The following SIGLEC10 variants were observed in gnomAD, a reference collection of about 807,000 sequenced individuals.
SIGLEC10 encodes sialic acid-binding Ig-like lectin 10.
A neutral mutation model predicts 68.3 loss-of-function variants in SIGLEC10; 45 were observed. The ratio of observed to expected loss-of-function variants is 0.66; its 90% CI spans 0.52 to 0.84. The LOEUF (loss-of-function observed/expected upper bound fraction) is 0.84. Among genes scored for constraint, SIGLEC10 ranks in the 40% least tolerant of loss-of-function variants. The pLI is 0.00. For missense variants in SIGLEC10, 789 were observed against 883.1 expected, an observed-to-expected ratio of 0.89 and a Z score of 1.35; for synonymous variants, 379 against 370.8, an observed-to-expected ratio of 1.02 and a Z score of -0.26.
Position 51,416,130 on chromosome 19 carries a change from C to T in SIGLEC10, c.792G>A (p.Leu264=). ...EPQPQGNVPY[L]EAQKGQFLRL... Reference sequence around the variant, plus strand: ...GCAGGAACTGGCCTTTTTGGGCTTCCAGGTATGGGACATTTCCCTGGGGCT... The same window carrying T: ...GCAGGAACTGGCCTTTTTGGGCTTCTAGGTATGGGACATTTCCCTGGGGCT... Residue 264 remains leucine, a synonymous_variant, in exon 5 of 11, where the codon CTG becomes CTA. Transcript: ENST00000339313. 1 of 1,607,830 alleles carries T rather than the reference C, an allele frequency of 6.2e-7. No individual in the cohort carries two copies. The highest frequency in any genetic ancestry group is 2.2e-5 in the East Asian group (1 of 44,622).
rs1341033457 is a variant in SIGLEC10 at position 51,416,900 on chromosome 19, G to T, written c.472C>A (p.Gln158Lys). The T allele has an allele frequency of 2.5e-6, 4 of 1,614,144 alleles. No individual in the cohort carries two copies. The highest frequency in any genetic ancestry group is 3.4e-6 in the Non-Finnish European group (4 of 1,179,994). The part of the protein sequence containing the change: ...VYIPETLEPG[Q>K]PVTVICVFNW... ...AACACACAGATGACCGTCACCGGCT[G>T]CCCGGGCTCCAGGGTCTCGGGGATG... Residue 158 changes from glutamine (Q) to lysine (K), a missense_variant, in exon 3 of 11, where the codon CAG (glutamine) becomes AAG (lysine). Gln to Lys is a moderately conservative substitution (Grantham distance 53, BLOSUM62 1). Transcript: ENST00000339313.
chr19:51,411,616 CTGTT>C (rs1323069561), intron 10 of SIGLEC10, among the ~76,000 whole-genome samples: 1 of 152,132 alleles, frequency 6.6e-6, no homozygotes, highest in Non-Finnish European at 1.5e-5. Flanking sequence ...GGTGGGATGA[CTGTT>C]TAATAGGTCA....
chr19:51,416,425 T>G (rs1221807014), intron 3 of SIGLEC10, 68 bp from the exon 4 acceptor site: 1 of 1,613,166 alleles, frequency 6.2e-7, no homozygotes, highest in Non-Finnish European at 8.5e-7. Context: ...AAAAACTCCC[T>G]CAGGGAAAAG....
At position 51,413,733 on chromosome 19, in the gene SIGLEC10, C is replaced by G; in HGVS notation, c.1800G>C (p.Val600=). 6.2e-7 allele frequency: 1 copy of G among 1,614,148 alleles called. No homozygotes were observed. ...TCACCAGGGGGCCAGCCGTCGGGAC[C>G]ACATTGATGTAATCCAGGATCGTGC... ...RHSTILDYIN[V]VPTAGPLAQK... Residue 600 remains valine (V), a synonymous_variant, in exon 10 of 11, where the codon GTG becomes GTC. Transcript: ENST00000339313.
chr19:51,410,976 G>GAA lies in SIGLEC10; in HGVS notation c.*122_*123insTT. 1.4e-6 allele frequency: 1 copy of GAA among 719,594 alleles called. No homozygotes were observed. The highest frequency in any genetic ancestry group is 1.8e-5 in the African/African-American group (1 of 55,722). The allele number at this position is 719,594 out of a possible 1,614,324, so 44.6% of individuals were successfully genotyped here. ...GATGTTTTTTTAAAAGAGAGAGAAA[G>GAA]AGAGAGAGAGAGAGAAAGAGAGAGA... is the stretch of plus-strand genomic sequence containing the variant. On this transcript the variant is annotated 3_prime_UTR_variant, in exon 11 of 11. Transcript: ENST00000339313.
intron 10 of SIGLEC10, among the ~76,000 whole-genome samples, chr19:51,412,974 G>A (rs1272364885): frequency 1.3e-5 from 2 of 152,016 alleles, no homozygotes; most frequent in East Asian, 3.9e-4. Context: ...TCACTATGTT[G>A]CTCAGGCTGG....
At chr19:51,413,655 A>C in intron 10 of SIGLEC10, 57 bp downstream of exon 10, 3 of 1,488,278 alleles carry the variant, frequency 2.0e-6, no homozygotes, top group Non-Finnish European at 2.8e-6. Context: ...AAAAGTCAGA[A>C]AGTGGGATGT....
In SIGLEC10 at chr19:51,415,046, A is replaced by C; in HGVS notation, c.1393T>G (p.Ser465Ala). The change falls in exon 8 of 11, where the codon TCC (serine) becomes GCC (alanine). Residue 465 changes from serine (S) to alanine (A), a missense_variant. Transcript: ENST00000339313. ...GAGGGGGCCGGGCTGGCCTGGGAGG[A>C]GCAGCTGCAGTGCAGACCCTCAGCC... is the stretch of plus-strand genomic sequence containing the variant. Reference protein sequence around the residue: ...WEAEGLHCSCSSQASPAPSLR... With the variant: ...WEAEGLHCSCASQASPAPSLR... 6.2e-7 allele frequency: 1 copy of C among 1,603,184 alleles called. No homozygotes were observed. Among genetic ancestry groups the C allele is most frequent in the Non-Finnish European group, 8.5e-7 (1 of 1,176,100 alleles).
Position 51,414,331 on chromosome 19 carries a change from G to A in SIGLEC10, c.1709+91C>T, listed in dbSNP as rs554883801. ...CATGTAACCTCCAGAGGTATACTGCGTTGATCACGACCTTCACTCTTTCGG... is the reference window on the plus strand; with the variant it reads ...CATGTAACCTCCAGAGGTATACTGCATTGATCACGACCTTCACTCTTTCGG... On this transcript the variant is annotated intron_variant, in intron 9 of 10. Coordinates refer to ENST00000339313, the MANE Select transcript of SIGLEC10 (RefSeq NM_033130.5). This position sits in a 1 kb window ranked among gnomAD's most constrained non-coding sequence, Gnocchi z 4.1. The A allele has an allele frequency of 9.5e-6, 10 of 1,055,510 alleles. No homozygotes were observed. The highest frequency in any genetic ancestry group is 2.5e-4 in the Middle Eastern group (1 of 3,970). 65.4% of individuals were successfully genotyped at this position (1,055,510 alleles called of 1,614,324 possible).
chr19:51,412,271 TG>T (rs1291605356), intron 10 of SIGLEC10, among the ~76,000 whole-genome samples: 1 of 146,868 alleles, frequency 6.8e-6, no homozygotes, highest in Non-Finnish European at 1.5e-5. Flanking sequence ...CGGGGTGGGG[TG>T]GGGGGTGTTG....
chr19:51,413,360 C>G (rs1988192797), intron 10 of SIGLEC10, among the ~76,000 whole-genome samples: 1 of 152,166 alleles, frequency 6.6e-6, no homozygotes, highest in Non-Finnish European at 1.5e-5. Context: ...ACCCCCTGTG[C>G]TGAATCCCTA....
chr19:51,415,522 C>T (rs1039683979), intron 6 of SIGLEC10, 46 bp downstream of exon 6: 3 of 1,614,060 alleles, frequency 1.9e-6, no homozygotes, highest in Non-Finnish European at 2.5e-6. Flanking sequence ...TCCTGGGCCC[C>T]CAATTCGGCA....
Position 51,411,239 on chromosome 19 carries a change from A to G in SIGLEC10, c.1954T>C (p.Ser652Pro), listed in dbSNP as rs763862705. Residue 652 changes from serine to proline, a missense_variant, in exon 11 of 11, where the codon TCC (serine) becomes CCC (proline). Transcript: ENST00000339313. ...QLPSFPEPKS[S>P]TQAPESQESQ... ...TCCTGGGATTCTGGGGCTTGAGTGG[A>G]TGATTTGGGTTCTGGGAAACTGGGC... 6.2e-7 allele frequency: 1 copy of G among 1,613,994 alleles called. No individual in the cohort carries two copies. Among genetic ancestry groups the G allele is most frequent in the East Asian group, 2.2e-5 (1 of 44,860 alleles).
rs1327058667 is a variant in SIGLEC10, at chr19:51,416,041, A to T, written c.881T>A (p.Val294Asp). ...ATLSWVLQNR[V>D]LSSSHPWGPR... ...GCCCCAGGGATGGGACGAGGAGAGG[A>T]CTCTGTTCTGCAGGACCCAGCTCAG... The change falls in exon 5 of 11, where the codon GTC becomes GAC. Residue 294 changes from valine to aspartate, a missense_variant. Val to Asp is a radical substitution (Grantham distance 152). Transcript: ENST00000339313. The T allele has an allele frequency of 6.8e-6, 11 of 1,612,826 alleles. No individual in the cohort carries two copies. The highest frequency in any genetic ancestry group is 9.3e-6 in the Non-Finnish European group (11 of 1,179,816).
rs1240763868 is a variant in SIGLEC10 at position 51,414,830 on chromosome 19, G to A, written c.1609C>T (p.Leu537=). Residue 537 remains leucine, a synonymous_variant, in exon 8 of 11, where the codon CTG becomes TTG. Transcript: ENST00000339313. The surrounding 1 kb of genome is among the most constrained non-coding windows in gnomAD (Gnocchi z 4.1). ...HGAQSGSILQ[L]PDKKGLISTA... ...ATCCAGGCGGCCCCCTAACCTGGCA[G>A]CTGCAGGATGGATCCACTCTGGGCC... The A allele has an allele frequency of 6.2e-7, 1 of 1,612,950 alleles. No homozygotes were observed. The highest frequency in any genetic ancestry group is 1.3e-5 in the African/African-American group (1 of 74,874).
In SIGLEC10 at chr19:51,410,948, C is replaced by T. The variant is rs763093896; in HGVS notation, c.*151G>A. 38 of 944,560 alleles carry T rather than the reference C, an allele frequency of 4.0e-5. No individual in the cohort carries two copies. Among genetic ancestry groups the T allele is most frequent in the Non-Finnish European group, 5.8e-5 (37 of 641,536 alleles). The allele number at this position is 944,560 out of a possible 1,614,324, so 58.5% of individuals were successfully genotyped here. A position where few individuals can be genotyped will look rare whatever the true frequency, so the allele number is the denominator to read the frequency against. Reference sequence around the variant, plus strand: ...ACAGGCGTGAGCCACTGTGCCCTGGCCAGATGTTTTTTTAAAAGAGAGAGA... The same window carrying T: ...ACAGGCGTGAGCCACTGTGCCCTGGTCAGATGTTTTTTTAAAAGAGAGAGA... On this transcript the variant is annotated 3_prime_UTR_variant, in exon 11 of 11. Transcript: ENST00000339313.
Position 51,413,774 on chromosome 19 carries a change from T to C in SIGLEC10, c.1759A>G (p.Arg587Gly), listed in dbSNP as rs899775454. 1.2e-5 allele frequency: 20 copies of C among 1,614,018 alleles called. No homozygotes were observed. The highest frequency in any genetic ancestry group is 1.6e-5 in the Non-Finnish European group (19 of 1,180,024). The part of the protein sequence containing the change: ...RRTQTETPRP[R>G]FSRHSTILDY... Reference sequence around the variant, plus strand: ...AGGATCGTGCTGTGCCGGGAGAACCTGGGCCTCGGGGTTTCTGTCTGAGTC... The same window carrying C: ...AGGATCGTGCTGTGCCGGGAGAACCCGGGCCTCGGGGTTTCTGTCTGAGTC... Residue 587 changes from arginine to glycine, a missense_variant, in exon 10 of 11, where the codon AGG becomes GGG. Physicochemically the swap from Arg to Gly is moderately radical, Grantham distance 125. Transcript: ENST00000339313.
chr19:51,417,355 A>G lies in SIGLEC10; in HGVS notation c.148T>C (p.Trp50Arg). The G allele has an allele frequency of 6.2e-7, 1 of 1,614,188 alleles. No individual in the cohort carries two copies. Among genetic ancestry groups the G allele is most frequent in the Non-Finnish European group, 8.5e-7 (1 of 1,180,032 alleles). ...PCSFSYPRQDWTGSTPAYGYW... is the reference protein window; with the variant it reads ...PCSFSYPRQDRTGSTPAYGYW... ...CCATAAGCTGGGGTAGACCCTGTCC[A>G]GTCCTGTCGGGGGTAGGAGAAAGAG... Residue 50 changes from tryptophan to arginine, a missense_variant, in exon 2 of 11, where the codon TGG becomes CGG. Transcript: ENST00000339313.
chr19:51,415,015 C>T lies in SIGLEC10; in HGVS notation c.1424G>A (p.Arg475His), dbSNP rs762968568. The T allele has an allele frequency of 9.9e-6, 16 of 1,611,162 alleles. No individual in the cohort carries two copies. The highest frequency in any genetic ancestry group is 6.7e-5 in the African/African-American group (5 of 74,840). ...SSQASPAPSLRWWLGEELLEG... is the reference protein window; with the variant it reads ...SSQASPAPSLHWWLGEELLEG... ...CAGCAGCTCCTCCCCAAGCCACCAG[C>T]GCAGAGAGGGGGCCGGGCTGGCCTG... Residue 475 changes from arginine (R) to histidine (H), a missense_variant, in exon 8 of 11, where the codon CGC becomes CAC. Arg to His is a conservative substitution (Grantham distance 29, BLOSUM62 0). Transcript: ENST00000339313.
Sources: allele counts gnomAD v4.1 joint callset (sites outside exome capture counted in the v4.1 genomes callset), GRCh38; gene constraint gnomAD v4.1.1; non-coding constraint Gnocchi (gnomAD v3.1); transcripts MANE v1.5; gene names NCBI Gene and HGNC (gene_info 2026-07-23, HGNC 2026-07-21).